Variants in BCAR3 observed in about 807,000 individuals in gnomAD.
The protein encoded by BCAR3 is breast cancer anti-estrogen resistance protein 3.
A neutral mutation model predicts 80.1 loss-of-function variants in BCAR3; 37 were observed. The observed-to-expected ratio is 0.46, with a 90% CI of 0.36 to 0.61. BCAR3 has a LOEUF of 0.61. Among genes scored for constraint, BCAR3 ranks in the 20% least tolerant of loss-of-function variants. BCAR3 has a pLI of 0.00. For synonymous variants in BCAR3, 389 were observed against 418.9 expected (o/e 0.93, Z 0.87); for missense variants, 978 against 1,068.2 (o/e 0.92, Z 1.18).
At chr1:93,641,241 C>T (rs1473904937) in intron 3 of BCAR3, among the ~76,000 whole-genome samples, 2 of 152,234 alleles carry the variant, frequency 1.3e-5, no homozygotes, top group Non-Finnish European at 2.9e-5. Flanking sequence ...ACTGGAGCTT[C>T]CTCCTCTTCC....
At chr1:93,802,107 G>A (rs1653499376) in intron 2 of BCAR3, among the ~76,000 whole-genome samples, 2 of 147,526 alleles carry the variant, frequency 1.4e-5, no homozygotes, top group Admixed American at 6.8e-5. Context: ...GCAGCCTGAC[G>A]ACAGAGCAAG....
intron 3 of BCAR3, among the ~76,000 whole-genome samples, chr1:93,696,998 C>T (rs1649434085): frequency 6.6e-6 from 1 of 152,188 alleles, no homozygotes. Context: ...GAGCTGGCGT[C>T]TCCGTGCACC....
intron 1 of BCAR3, among the ~76,000 whole-genome samples, chr1:93,680,733 C>T (rs1325728317): frequency 3.3e-5 from 5 of 152,184 alleles, no homozygotes; most frequent in African/African-American, 1.2e-4. Flanking sequence ...TCCTTTGCAC[C>T]TTGCTTCAAG....
At chr1:93,846,863 C>T (rs754536262) in intron 1 of BCAR3, 6 of 483,348 alleles carry the variant, frequency 1.2e-5, no homozygotes, top group African/African-American at 4.1e-5. Flanking sequence ...CACCAGAGCC[C>T]GGATACCTCA....
intron 2 of BCAR3, among the ~76,000 whole-genome samples, chr1:93,742,848 T>A (rs1300427446): frequency 2.6e-5 from 4 of 152,168 alleles, no homozygotes; most frequent in Non-Finnish European, 5.9e-5. Flanking sequence ...TCAGAAATGC[T>A]ACCACACAGA....
At chr1:93,766,038 T>C (rs774227306) in intron 2 of BCAR3, among the ~76,000 whole-genome samples, 2 of 152,168 alleles carry the variant, frequency 1.3e-5, no homozygotes, top group Non-Finnish European at 2.9e-5. Context: ...CCAGAACTTA[T>C]TTGTCTTGTG....
intron 2 of BCAR3, among the ~76,000 whole-genome samples, chr1:93,643,282 G>C (rs1377782486): frequency 6.6e-6 from 1 of 150,464 alleles, no homozygotes; most frequent in East Asian, 2.0e-4. Context: ...CCAGCATTTT[G>C]GGGGGGCCGA....
In BCAR3 at chr1:93,571,984, A is replaced by C. The variant is rs184473478; in HGVS notation, c.1803-143T>G. On this transcript the variant is annotated intron_variant, in intron 8 of 11. Transcript: ENST00000260502. ...TGCCGGCAGCACAGTTTAGACGGCCAATCTCAACAGAGAGAACGCCCCTTA... is the reference window on the plus strand; with the variant it reads ...TGCCGGCAGCACAGTTTAGACGGCCCATCTCAACAGAGAGAACGCCCCTTA... 29 of 1,009,832 alleles carry C rather than the reference A, an allele frequency of 2.9e-5. No homozygotes were observed. The East Asian group carries it at 7.1e-4, about 25-fold the overall frequency. 62.6% of individuals were successfully genotyped at this position (1,009,832 alleles called of 1,614,324 possible).
At chr1:93,650,103 C>T (rs995711653) in intron 2 of BCAR3, among the ~76,000 whole-genome samples, 3 of 151,730 alleles carry the variant, frequency 2.0e-5, no homozygotes, top group Admixed American at 6.6e-5. Flanking sequence ...GTAATGTGTG[C>T]GAGTAAGGGT....
At chr1:93,749,391 A>T (rs1324689851) in intron 2 of BCAR3, among the ~76,000 whole-genome samples, 1 of 152,082 alleles carries the variant, frequency 6.6e-6, no homozygotes, top group Non-Finnish European at 1.5e-5. Flanking sequence ...GATCGAGACC[A>T]TCCTGGCTAA....
At chr1:93,567,692 C>G (rs767459552) in intron 10 of BCAR3, 48 bp downstream of exon 10, 1 of 1,549,754 alleles carries the variant, frequency 6.5e-7, no homozygotes, top group African/African-American at 1.4e-5. Flanking sequence ...TACTTGTACT[C>G]CACTCCCCAG....
intron 3 of BCAR3, among the ~76,000 whole-genome samples, chr1:93,615,314 T>C (rs1675078979): frequency 1.3e-5 from 2 of 152,042 alleles, no homozygotes; most frequent in Admixed American, 6.5e-5. Flanking sequence ...AAATAGGAAA[T>C]TGCTCTGGGC....
At chr1:93,769,203 A>C (rs1369786027) in intron 2 of BCAR3, among the ~76,000 whole-genome samples, 1 of 152,248 alleles carries the variant, frequency 6.6e-6, no homozygotes, top group Admixed American at 6.5e-5. Flanking sequence ...AACTAATTAA[A>C]AGGCAGAGCA....
chr1:93,736,251 G>C (rs568330269), intron 2 of BCAR3, among the ~76,000 whole-genome samples: 2 of 152,148 alleles, frequency 1.3e-5, no homozygotes, highest in African/African-American at 4.8e-5. Context: ...GCAATGGCGC[G>C]ATCTCGGCTT....
At chr1:93,725,069 G>A (rs1021557764) in intron 2 of BCAR3, among the ~76,000 whole-genome samples, 8 of 152,248 alleles carry the variant, frequency 5.3e-5, no homozygotes, top group Middle Eastern at 3.4e-3. Context: ...TTTGTCTTTC[G>A]TAGCCCACAG....
In BCAR3 at chr1:93,582,283, A is replaced by G. The variant is rs201369140; in HGVS notation, c.1686+18T>C. 5.0e-6 allele frequency: 8 copies of G among 1,602,644 alleles called. No homozygotes were observed. The highest frequency in any genetic ancestry group is 6.0e-6 in the Non-Finnish European group (7 of 1,172,774). On this transcript the variant is annotated intron_variant, in intron 7 of 11. Coordinates refer to ENST00000260502, the MANE Select transcript of BCAR3 (RefSeq NM_003567.4). ...AACCTTGAAAAGCCAGAGGAGCACC[A>G]GGACCCCCAGCGCTTACCCTGCAGT...
chr1:93,565,524 C>CCAT (rs1178234232), intron 11 of BCAR3, among the ~76,000 whole-genome samples: 13 of 152,190 alleles, frequency 8.5e-5, no homozygotes, highest in African/African-American at 3.1e-4. Context: ...CTGAAAAATT[C>CCAT]CATCAGTGAC....
At position 93,567,187 on chromosome 1, in the gene BCAR3, C is replaced by T; in HGVS notation, c.2299+92G>A. 24 of 1,464,992 alleles carry T rather than the reference C, an allele frequency of 1.6e-5. No individual in the cohort carries two copies. The Admixed American group carries it at 2.4e-4, about 14-fold the overall frequency. The allele number at this position is 1,464,992 out of a possible 1,614,324, so 90.7% of individuals were successfully genotyped here. A position where few individuals can be genotyped will look rare whatever the true frequency, so the allele number is the denominator to read the frequency against. On this transcript the variant is annotated intron_variant, in intron 11 of 11. Coordinates refer to ENST00000260502, the MANE Select transcript of BCAR3 (RefSeq NM_003567.4). The stretch of plus-strand genomic sequence containing the variant: ...CATTCTTTAATCCTTCCTTTTTGGT[C>T]TTTTTCTAAGTGAAGTCAGCCATGC...
intron 2 of BCAR3, among the ~76,000 whole-genome samples, chr1:93,777,562 CGGG>C (rs1557685332): frequency 1.6e-4 from 24 of 151,668 alleles, no homozygotes; most frequent in African/African-American, 5.8e-4. Flanking sequence ...TCCTCCTCCA[CGGG>C]CATGCACCAC....
Sources: allele counts gnomAD v4.1 joint callset (sites outside exome capture counted in the v4.1 genomes callset), GRCh38; gene constraint gnomAD v4.1.1; transcripts MANE v1.5; gene names NCBI Gene and HGNC (gene_info 2026-07-23, HGNC 2026-07-21).